Variants in COL26A1 observed in about 807,000 individuals in gnomAD.
The protein encoded by COL26A1 is collagen type XXVI alpha 1 chain, also known as collagen alpha-1(XXVI) chain.
In COL26A1, 41 loss-of-function variants were observed where a neutral mutation model predicts 59.3. The observed-to-expected ratio is 0.69, with a 90% CI of 0.54 to 0.90. COL26A1 has a LOEUF of 0.90. Ranked by LOEUF, COL26A1 falls within the 40% of genes least tolerant of loss-of-function variation. The pLI is 0.00. For missense variants in COL26A1, 612 were observed against 602.3 expected (o/e 1.02, Z -0.17); for synonymous variants, 266 against 256.0 (o/e 1.04, Z -0.37).
intron 3 of COL26A1, among the ~76,000 whole-genome samples, chr7:101,481,174 A>C (rs566867776): frequency 7.2e-4 from 109 of 152,244 alleles, no homozygotes; most frequent in African/African-American, 2.6e-3. Flanking sequence ...ATCAGCAGAC[A>C]GTTTTCTAGC....
At chr7:101,430,449 C>T (rs2130314788) in intron 2 of COL26A1, among the ~76,000 whole-genome samples, 1 of 151,902 alleles carries the variant, frequency 6.6e-6, no homozygotes, top group South Asian at 2.1e-4. Flanking sequence ...GCACTGCACC[C>T]AGCTAATTTT....
chr7:101,527,876 C>G (rs765975465), intron 3 of COL26A1, among the ~76,000 whole-genome samples: 1 of 152,074 alleles, frequency 6.6e-6, no homozygotes, highest in Admixed American at 6.6e-5. Flanking sequence ...TAGAGTAGTT[C>G]GGGCAGGGCC....
At chr7:101,443,388 A>C (rs1793108257) in intron 2 of COL26A1, among the ~76,000 whole-genome samples, 1 of 152,284 alleles carries the variant, frequency 6.6e-6, no homozygotes, top group East Asian at 1.9e-4. Context: ...TAAAAAAGAA[A>C]TGAGCGTAAC....
At chr7:101,527,232 A>G (rs1011031693) in intron 3 of COL26A1, among the ~76,000 whole-genome samples, 6 of 151,752 alleles carry the variant, frequency 4.0e-5, no homozygotes, top group African/African-American at 1.5e-4. Context: ...TGACCTCCCA[A>G]AGGGCTGGGA....
intron 3 of COL26A1, among the ~76,000 whole-genome samples, chr7:101,517,080 G>C (rs1483891117): frequency 6.6e-6 from 1 of 152,120 alleles, no homozygotes; most frequent in Non-Finnish European, 1.5e-5. Context: ...GACTCAAGGA[G>C]TCTCCTTCAC....
At chr7:101,510,370 C>A (rs1005754153) in intron 3 of COL26A1, among the ~76,000 whole-genome samples, 2 of 152,054 alleles carry the variant, frequency 1.3e-5, no homozygotes, top group Non-Finnish European at 2.9e-5. Flanking sequence ...CATGAAATCG[C>A]CCTCCCTGAA....
chr7:101,386,914 G>A (rs541600542), intron 1 of COL26A1, among the ~76,000 whole-genome samples: 2 of 152,302 alleles, frequency 1.3e-5, no homozygotes, highest in East Asian at 3.9e-4. Context: ...GTCCGGGACA[G>A]CTGCTTGTGG....
intron 10 of COL26A1, 157 bp from the exon 11 acceptor site, chr7:101,553,169 C>T (rs1207579550): frequency 9.7e-6 from 6 of 616,856 alleles, no homozygotes; most frequent in Non-Finnish European, 1.4e-5. Context: ...CTGCTGTGCT[C>T]AGCCCAGGGC....
rs771877127 is a variant in COL26A1 at position 101,539,278 on chromosome 7, CTGTGTG to C, written c.448-605_448-600del. Among the ~76,000 whole-genome samples the C allele has an allele frequency of 2.3e-4, 33 of 142,314 alleles. No individual in the cohort carries two copies. In the South Asian group the frequency reaches 4.8e-3, roughly 21 times the overall value. The allele number at this position is 142,314 out of a possible 152,430, so 93.4% of individuals were successfully genotyped here. ...TCCCTTTCTTCCCTTCCTTTTCTGT[CTGTGTG>C]TGTGTGTGTATGTGTGTGTGTGTGT... On this transcript the variant is annotated intron_variant, in intron 4 of 12. Transcript: ENST00000313669.
At chr7:101,527,721 G>A (rs946358748) in intron 3 of COL26A1, among the ~76,000 whole-genome samples, 1 of 151,810 alleles carries the variant, frequency 6.6e-6, no homozygotes, top group African/African-American at 2.4e-5. Context: ...ACACCTATTG[G>A]CAAAGGTTTA....
At chr7:101,429,589 C>CTTTTTTTTTTTTTTTTTTGTTTTTTTT (rs1792729982) in intron 2 of COL26A1, among the ~76,000 whole-genome samples, 1 of 78,700 alleles carries the variant, frequency 1.3e-5, no homozygotes, top group Non-Finnish European at 2.4e-5. Flanking sequence ...TTCTTTTTTA[C>CTTTTTTTTTTTTTTTTTTGTTTTTTTT]TTTTTTTTTT....
At chr7:101,556,388 T>C (rs1310475352) in intron 12 of COL26A1, among the ~76,000 whole-genome samples, 1 of 152,172 alleles carries the variant, frequency 6.6e-6, no homozygotes, top group Non-Finnish European at 1.5e-5. Flanking sequence ...AATGAATGGA[T>C]GAATGAATAG....
chr7:101,507,933 G>C (rs1042726169), intron 3 of COL26A1, among the ~76,000 whole-genome samples: 3 of 152,098 alleles, frequency 2.0e-5, no homozygotes, highest in African/African-American at 7.2e-5. Flanking sequence ...CTTCCTCAAG[G>C]CACGTGACTG....
intron 3 of COL26A1, among the ~76,000 whole-genome samples, chr7:101,484,530 C>T (rs1327401101): frequency 6.6e-6 from 1 of 151,704 alleles, no homozygotes; most frequent in Non-Finnish European, 1.5e-5. Flanking sequence ...ACCACCACAC[C>T]CGGCTAATTT....
chr7:101,471,851 A>G (rs558085712), intron 3 of COL26A1, among the ~76,000 whole-genome samples: 4 of 152,012 alleles, frequency 2.6e-5, no homozygotes, highest in African/African-American at 9.7e-5. Flanking sequence ...AAGTGCTGAG[A>G]TTACAGGCAT....
At chr7:101,471,863 A>G (rs1793914026) in intron 3 of COL26A1, among the ~76,000 whole-genome samples, 1 of 152,000 alleles carries the variant, frequency 6.6e-6, no homozygotes, top group Admixed American at 6.5e-5. Flanking sequence ...TACAGGCATG[A>G]GCCGCTGCGC....
intron 3 of COL26A1, among the ~76,000 whole-genome samples, chr7:101,491,140 A>C (rs1261165395): frequency 6.6e-6 from 1 of 151,880 alleles, no homozygotes; most frequent in Non-Finnish European, 1.5e-5. Flanking sequence ...CACCTGAAAA[A>C]TGGGGATGAT....
At chr7:101,539,346 T>C (rs1373116680) in intron 4 of COL26A1, among the ~76,000 whole-genome samples, 4 of 143,940 alleles carry the variant, frequency 2.8e-5, no homozygotes, top group Admixed American at 7.0e-5. Flanking sequence ...TTTTTTTTTC[T>C]CTCTCTCTCT....
chr7:101,429,588 A>ATTTTTTTT (rs1792729327), intron 2 of COL26A1, among the ~76,000 whole-genome samples: 1 of 49,862 alleles, frequency 2.0e-5, no homozygotes, highest in African/African-American at 9.2e-5. Context: ...TTTCTTTTTT[A>ATTTTTTTT]CTTTTTTTTT....
Sources: gnomAD v4.1 joint callset for allele counts (sites outside exome capture counted in the v4.1 genomes callset) on GRCh38, gnomAD v4.1.1 for gene constraint, MANE v1.5 for transcripts, NCBI Gene and HGNC (gene_info 2026-07-23, HGNC 2026-07-21) for gene names.